The following TENM2 variants were observed in gnomAD, a reference collection of about 807,000 sequenced individuals.
TENM2 encodes the protein teneurin transmembrane protein 2.
TENM2 carries 52 observed loss-of-function variants against 245.2 expected under a neutral mutation model. The ratio of observed to expected loss-of-function variants is 0.21; its 90% CI spans 0.17 to 0.27. The LOEUF is 0.27. TENM2 is among the 10% of genes least tolerant of loss of function. TENM2 has a pLI of 1.00. For missense variants in TENM2, 3,046 were observed against 3,666.8 expected (o/e 0.83, Z 4.37); for synonymous variants, 1,363 against 1,438.9 (o/e 0.95, Z 1.19).
At chr5:167,141,415 T>C in the TENM2 span, among the ~76,000 whole-genome samples, 1 of 152,230 alleles carries the variant, frequency 6.6e-6, no homozygotes, top group East Asian at 1.9e-4. Flanking sequence ...TGACAACATT[T>C]GTTAAATATT....
chr5:167,162,985 T>C, the TENM2 span, among the ~76,000 whole-genome samples: 1 of 152,208 alleles, frequency 6.6e-6, no homozygotes, highest in African/African-American at 2.4e-5. Flanking sequence ...TCATGAAACA[T>C]ACATTTGGGA....
intron 2 of TENM2, among the ~76,000 whole-genome samples, chr5:167,416,823 A>G (rs1485488082): frequency 6.6e-6 from 1 of 152,088 alleles, no homozygotes; most frequent in African/African-American, 2.4e-5. Flanking sequence ...TTTTTCTTTT[A>G]GCTGTCTATA....
chr5:167,131,465 G>A, the TENM2 span, among the ~76,000 whole-genome samples: 2 of 152,070 alleles, frequency 1.3e-5, no homozygotes, highest in African/African-American at 4.8e-5. Flanking sequence ...CTTTGACGGA[G>A]GACATGTCTC....
chr5:168,253,606 T>C (rs1238411464), intron 27 of TENM2, among the ~76,000 whole-genome samples: 1 of 151,802 alleles, frequency 6.6e-6, no homozygotes, highest in Non-Finnish European at 1.5e-5. Context: ...TTTGTATTTT[T>C]AGTAGAGACG....
Position 168,248,189 on chromosome 5 carries a change from AC to A in TENM2, c.7255del (p.Leu2419Ter). ...ATTGGCTTCCATGGGGGACTCTATG[AC>A]CCCCTGACCAAGCTGGTCCACTTCA... On this transcript the variant is annotated frameshift_variant, in exon 27 of 29. Transcript: ENST00000518659. LOFTEE classifies it high-confidence loss of function. The A allele has an allele frequency of 6.2e-7, 1 of 1,613,702 alleles. No individual in the cohort carries two copies. Among genetic ancestry groups the A allele is most frequent in the Non-Finnish European group, 8.5e-7 (1 of 1,179,810 alleles).
At chr5:167,382,421 C>T (rs550267206) in intron 2 of TENM2, among the ~76,000 whole-genome samples, 34 of 152,064 alleles carry the variant, frequency 2.2e-4, no homozygotes, top group African/African-American at 7.0e-4. Context: ...TGGGAACCAG[C>T]GAGTCAGAAA....
intron 2 of TENM2, among the ~76,000 whole-genome samples, chr5:167,396,487 T>A (rs182694123): frequency 2.6e-5 from 4 of 152,216 alleles, no homozygotes; most frequent in Non-Finnish European, 5.9e-5. Flanking sequence ...GTTGATTAAA[T>A]AGGGGTGTCA....
chr5:167,554,106 C>T (rs1460252493), intron 2 of TENM2, among the ~76,000 whole-genome samples: 1 of 152,134 alleles, frequency 6.6e-6, no homozygotes. Context: ...GTCCAGAATT[C>T]CCACCACAGC....
intron 2 of TENM2, among the ~76,000 whole-genome samples, chr5:167,533,654 C>G (rs1335258219): frequency 6.6e-6 from 1 of 151,914 alleles, no homozygotes; most frequent in East Asian, 1.9e-4. Flanking sequence ...GAAATGGGGT[C>G]TAGTTATGTT....
chr5:168,174,571 A>G (rs1264769428), intron 13 of TENM2, among the ~76,000 whole-genome samples: 2 of 152,176 alleles, frequency 1.3e-5, no homozygotes, highest in Non-Finnish European at 2.9e-5. Context: ...AAGCCCAAGA[A>G]TGTGCATTTC....
chr5:167,227,574 T>C, the TENM2 span, among the ~76,000 whole-genome samples: 1 of 152,326 alleles, frequency 6.6e-6, no homozygotes, highest in Middle Eastern at 3.4e-3. Context: ...GCACTTTGAA[T>C]ATATCATCCC....
chr5:167,315,939 G>A (rs949765319), intron 1 of TENM2, among the ~76,000 whole-genome samples: 7 of 152,092 alleles, frequency 4.6e-5, no homozygotes, highest in Admixed American at 2.6e-4. Context: ...GGTCCAAAGC[G>A]TCTATTTGCA....
chr5:167,118,602 T>A, the TENM2 span, among the ~76,000 whole-genome samples: 1 of 152,230 alleles, frequency 6.6e-6, no homozygotes, highest in Admixed American at 6.5e-5. Context: ...AAAGAAAACT[T>A]ATTTTTGGCT....
chr5:168,182,460 A>G (rs1406527589), intron 13 of TENM2, among the ~76,000 whole-genome samples: 4 of 152,190 alleles, frequency 2.6e-5, no homozygotes, highest in African/African-American at 9.7e-5. Flanking sequence ...AGCATTATTA[A>G]GTCCATTCTA....
intron 2 of TENM2, among the ~76,000 whole-genome samples, chr5:167,583,614 A>G (rs1775261346): frequency 6.6e-6 from 1 of 152,188 alleles, no homozygotes; most frequent in Admixed American, 6.5e-5. Flanking sequence ...ATAGTACCAC[A>G]AGATTCCCAG....
At chr5:167,322,423 A>C (rs1457530294) in intron 1 of TENM2, among the ~76,000 whole-genome samples, 1 of 151,966 alleles carries the variant, frequency 6.6e-6, no homozygotes, top group Non-Finnish European at 1.5e-5. Flanking sequence ...TGGGTTCTAG[A>C]TTCTAATATA....
rs544159577 is a variant in TENM2, at chr5:167,324,648, C to T, written c.226+39585C>T. Reference sequence around the variant, plus strand: ...GAAGGATTAACAGTCATTGGGACCACGATGTATTTGGATAGAACAAGAGGA... The same window carrying T: ...GAAGGATTAACAGTCATTGGGACCATGATGTATTTGGATAGAACAAGAGGA... On this transcript the variant is annotated intron_variant, in intron 1 of 28. Coordinates refer to ENST00000518659, the Ensembl canonical transcript of TENM2. 5.3e-5 allele frequency among the ~76,000 whole-genome samples: 8 copies of T among 149,938 alleles called. No homozygotes were observed. The East Asian group carries it at 1.4e-3, about 26-fold the overall frequency.
intron 18 of TENM2, among the ~76,000 whole-genome samples, chr5:168,204,150 A>AT (rs1188602134): frequency 6.6e-6 from 1 of 151,990 alleles, no homozygotes; most frequent in East Asian, 1.9e-4. Context: ...AGCTGGGATT[A>AT]CAAGCTTCTT....
rs1288993398 is a variant in TENM2, at chr5:167,989,296, GAGAGAT to G, written c.948-3644_948-3639del. Among the ~76,000 whole-genome samples, 370 of 142,542 alleles carry G rather than the reference GAGAGAT, an allele frequency of 2.6e-3. 3 individuals are homozygous for G. Among genetic ancestry groups the G allele is most frequent in the East Asian group, 9.0e-3 (36 of 3,982 alleles). The allele number at this position is 142,542 out of a possible 152,430, so 93.5% of individuals were successfully genotyped here. A position where few individuals can be genotyped will look rare whatever the true frequency, so the allele number is the denominator to read the frequency against. ...AGAGAGAGAGAGAGAGAGAGAGAGA[GAGAGAT>G]AGATAGATTTGTGAGTGCACAAAAT... On this transcript the variant is annotated intron_variant, in intron 4 of 28. Coordinates refer to ENST00000518659, the Ensembl canonical transcript of TENM2.
Sources: allele counts gnomAD v4.1 joint callset (sites outside exome capture counted in the v4.1 genomes callset), GRCh38; gene constraint gnomAD v4.1.1; transcripts MANE v1.5; gene names NCBI Gene and HGNC (gene_info 2026-07-23, HGNC 2026-07-21).